The following VPS72 variants were observed in gnomAD, a reference collection of about 807,000 sequenced individuals.
VPS72 encodes vacuolar protein sorting 72 homolog.
In VPS72, 27 loss-of-function variants were observed where a neutral mutation model predicts 38.9. The ratio of observed to expected loss-of-function variants is 0.69; its 90% CI spans 0.51 to 0.96. The LOEUF (loss-of-function observed/expected upper bound fraction) is 0.96, where lower values mean the gene tolerates loss of function less well. VPS72 is among the 40% of genes least tolerant of loss of function. The pLI, the probability that VPS72 is intolerant of heterozygous loss-of-function variation, is 0.00. For missense variants in VPS72, 360 were observed against 479.5 expected, an observed-to-expected ratio of 0.75 and a Z score of 2.33; for synonymous variants, 173 against 186.3, an observed-to-expected ratio of 0.93 and a Z score of 0.58.
chr1:151,189,159 AT>A (rs1179307440), intron 1 of VPS72, among the ~76,000 whole-genome samples: 49 of 152,326 alleles, frequency 3.2e-4, no homozygotes, highest in African/African-American at 1.1e-3. Flanking sequence ...ATCACACAGT[AT>A]TTTAACTGTT....
chr1:151,177,166 G>A, intron 5 of VPS72, 135 bp from the exon 6 acceptor site: 2 of 938,754 alleles, frequency 2.1e-6, no homozygotes, highest in Non-Finnish European at 3.1e-6. Context: ...GCAGGCAGAT[G>A]ACGAGGTCAG....
At chr1:151,184,997 GGTT>G (rs1421251820) in intron 3 of VPS72, among the ~76,000 whole-genome samples, 1 of 151,918 alleles carries the variant, frequency 6.6e-6, no homozygotes, top group Admixed American at 6.6e-5. Flanking sequence ...TGTTATGTGT[GGTT>G]TTTTTCTGAA....
chr1:151,187,702 T>C (rs1684380539), intron 1 of VPS72, among the ~76,000 whole-genome samples: 1 of 152,190 alleles, frequency 6.6e-6, no homozygotes, highest in Non-Finnish European at 1.5e-5. Context: ...CTGAAAAAGT[T>C]TGTGTCTCTT....
At position 151,176,970 on chromosome 1, in the gene VPS72, G is replaced by T. The variant is rs773025973; in HGVS notation, c.769C>A (p.Pro257Thr). The T allele has an allele frequency of 3.7e-6, 6 of 1,606,438 alleles. No homozygotes were observed. Among genetic ancestry groups the T allele is most frequent in the East Asian group, 2.2e-5 (1 of 44,776 alleles). The change falls in exon 6 of 6, where the codon CCC (proline) becomes ACC (threonine). Residue 257 changes from proline to threonine, a missense_variant. By Grantham distance (38) the Pro-to-Thr change is conservative. Coordinates refer to ENST00000368892, the MANE Select transcript of VPS72 (RefSeq NM_005997.3). ...TPHAGTGPVN[P>T]PARCSRTFIT... The stretch of plus-strand genomic sequence containing the variant: ...AAGGTACGTGAGCAGCGAGCAGGGG[G>T]GTTGACGGGTCCAGTCCCAGCATGA...
chr1:151,184,590 C>CT (rs760266564), intron 3 of VPS72, 97 bp from the exon 4 acceptor site: 136,536 of 964,334 alleles, frequency 0.14, 96 homozygotes, highest in Non-Finnish European at 0.15. Flanking sequence ...ATTTTTTTTT[C>CT]TTTTTTTTTT....
chr1:151,178,281 C>G (rs1042278519), intron 4 of VPS72, 136 bp from the exon 5 acceptor site: 1 of 1,212,962 alleles, frequency 8.2e-7, no homozygotes, highest in Non-Finnish European at 1.1e-6. Context: ...CTATGGAAGT[C>G]CCCTAAGGCC....
Position 151,176,542 on chromosome 1 carries a change from G to A in VPS72, c.*102C>T. The A allele has an allele frequency of 6.7e-7, 1 of 1,493,128 alleles. No individual in the cohort carries two copies. The highest frequency in any genetic ancestry group is 9.0e-7 in the Non-Finnish European group (1 of 1,117,220). 92.5% of individuals were successfully genotyped at this position (1,493,128 alleles called of 1,614,324 possible). On this transcript the variant is annotated 3_prime_UTR_variant, in exon 6 of 6. Coordinates refer to ENST00000368892, the MANE Select transcript of VPS72 (RefSeq NM_005997.3). ...GGAAAAGGAAAAAGAAACAGATTAG[G>A]CAAAGATCAGAGATGACAAAGGGGA...
chr1:151,182,097 G>A (rs781625178), intron 4 of VPS72, among the ~76,000 whole-genome samples: 32 of 151,798 alleles, frequency 2.1e-4, no homozygotes, highest in Admixed American at 7.2e-4. Context: ...GCACGATCTC[G>A]GCTCACCGCA....
Position 151,186,920 on chromosome 1 carries a change from C to A in VPS72, c.118-970G>T, listed in dbSNP as rs111640172. On this transcript the variant is annotated intron_variant, in intron 1 of 5. Coordinates refer to ENST00000368892, the MANE Select transcript of VPS72 (RefSeq NM_005997.3). Reference sequence around the variant, plus strand: ...CCTGCAGGCCAGTGATTCTCAATCCCCTCCATCTCCTTATTTTCCCTACCA... The same window carrying A: ...CCTGCAGGCCAGTGATTCTCAATCCACTCCATCTCCTTATTTTCCCTACCA... Among the ~76,000 whole-genome samples the A allele has an allele frequency of 8.6e-3, 1,306 of 152,284 alleles. 18 individuals carry two copies. The highest frequency in any genetic ancestry group is 0.03 in the African/African-American group (1,242 of 41,540).
At chr1:151,180,008 A>G (rs1005012853) in intron 4 of VPS72, among the ~76,000 whole-genome samples, 6 of 151,754 alleles carry the variant, frequency 4.0e-5, no homozygotes, top group Non-Finnish European at 4.4e-5. Flanking sequence ...ACAATTCCCT[A>G]AAGTCTGACC....
chr1:151,189,878 A>G (rs1684427345), intron 1 of VPS72, 127 bp downstream of exon 1: 1 of 1,076,718 alleles, frequency 9.3e-7, no homozygotes, highest in Non-Finnish European at 1.4e-6. Context: ...CGATTCACCC[A>G]CCCAACTCGA....
rs775605406 is a variant in VPS72 at position 151,177,012 on chromosome 1, C to G, written c.727G>C (p.Val243Leu). ...CCAGCATGAGGAGTCAATGCAGACA[C>G]CGAGGGAGCAGGATCAAGTCTGAGG... The part of the protein sequence containing the change: ...DIEGLDPAPS[V>L]SALTPHAGTG... Residue 243 changes from valine to leucine, a missense_variant, in exon 6 of 6, where the codon GTG becomes CTG. Val to Leu is a conservative substitution (Grantham distance 32, BLOSUM62 1). Coordinates refer to ENST00000368892, the MANE Select transcript of VPS72 (RefSeq NM_005997.3). 25 of 1,573,088 alleles carry G rather than the reference C, an allele frequency of 1.6e-5. No homozygotes were observed. The highest frequency in any genetic ancestry group is 1.1e-4 in the Admixed American group (6 of 56,078).
At chr1:151,185,013 A>G (rs1684319582) in intron 3 of VPS72, among the ~76,000 whole-genome samples, 1 of 152,140 alleles carries the variant, frequency 6.6e-6, no homozygotes, top group Admixed American at 6.6e-5. Flanking sequence ...TTTCTGAATG[A>G]TCTAAATTAG....
rs898167672 is a variant in VPS72 at position 151,184,508 on chromosome 1, G to A, written c.386-15C>T. ...AGACTTCCGACCTGGAAGAGAGTGAGATAAGAAGAAATCTTTGAATTCATG... is the reference window on the plus strand; with the variant it reads ...AGACTTCCGACCTGGAAGAGAGTGAAATAAGAAGAAATCTTTGAATTCATG... On this transcript the variant is annotated splice_polypyrimidine_tract_variant and intron_variant, in intron 3 of 5. Coordinates refer to ENST00000368892, the MANE Select transcript of VPS72 (RefSeq NM_005997.3). 1 of 1,580,818 alleles carries A rather than the reference G, an allele frequency of 6.3e-7. No homozygotes were observed. Among genetic ancestry groups the A allele is most frequent in the African/African-American group, 1.3e-5 (1 of 74,224 alleles).
chr1:151,178,035 G>C lies in VPS72; in HGVS notation c.673C>G (p.Pro225Ala). The part of the protein sequence containing the change: ...HSVTVPLVGE[P>A]GPKEENVDIE... Reference sequence around the variant, plus strand: ...TCAACGTTCTCTTCCTTGGGGCCTGGCTCCCCAACAAGTGGCACTGTCACT... The same window carrying C: ...TCAACGTTCTCTTCCTTGGGGCCTGCCTCCCCAACAAGTGGCACTGTCACT... Residue 225 changes from proline to alanine, a missense_variant, in exon 5 of 6, where the codon CCA (proline) becomes GCA (alanine). By Grantham distance (27) the Pro-to-Ala change is conservative (BLOSUM62 -1). Coordinates refer to ENST00000368892, the MANE Select transcript of VPS72 (RefSeq NM_005997.3). 6.2e-7 allele frequency: 1 copy of C among 1,613,972 alleles called. No homozygotes were observed. Among genetic ancestry groups the C allele is most frequent in the Non-Finnish European group, 8.5e-7 (1 of 1,179,984 alleles).
chr1:151,190,131 C>T lies in VPS72; in HGVS notation c.-10G>A. The T allele has an allele frequency of 6.2e-7, 1 of 1,612,238 alleles. No individual in the cohort carries two copies. Among genetic ancestry groups the T allele is most frequent in the Non-Finnish European group, 8.5e-7 (1 of 1,179,970 alleles). Reference sequence around the variant, plus strand: ...CCCCAGCCAAACTCATACCGCCTACCGAGACTGCGCCGCCACCTGCAGCCC... The same window carrying T: ...CCCCAGCCAAACTCATACCGCCTACTGAGACTGCGCCGCCACCTGCAGCCC... On this transcript the variant is annotated 5_prime_UTR_variant, in exon 1 of 6. Transcript: ENST00000368892.
chr1:151,183,147 C>T (rs587608739), intron 4 of VPS72, among the ~76,000 whole-genome samples: 128 of 152,130 alleles, frequency 8.4e-4, no homozygotes, highest in African/African-American at 2.8e-3. Flanking sequence ...GGAATTGCCG[C>T]GGGGTGGCCC....
chr1:151,176,573 A>G lies in VPS72; in HGVS notation c.*71T>C, dbSNP rs1684102986. On this transcript the variant is annotated 3_prime_UTR_variant, in exon 6 of 6. Coordinates refer to ENST00000368892, the MANE Select transcript of VPS72 (RefSeq NM_005997.3). ...ATCAGAGATGACAAAGGGGAGAAGC[A>G]GGGAGAAGAAACGGAACAGCAAGAG... The G allele has an allele frequency of 2.6e-6, 4 of 1,553,574 alleles. No individual in the cohort carries two copies. The highest frequency in any genetic ancestry group is 3.5e-6 in the Non-Finnish European group (4 of 1,151,126).
chr1:151,181,469 T>G (rs111342247), intron 4 of VPS72, among the ~76,000 whole-genome samples: 1 of 152,170 alleles, frequency 6.6e-6, no homozygotes, highest in Non-Finnish European at 1.5e-5. Context: ...GGTCTCGAAC[T>G]CCTTACCTTG....
Sources: allele counts gnomAD v4.1 joint callset (sites outside exome capture counted in the v4.1 genomes callset), GRCh38; gene constraint gnomAD v4.1.1; transcripts MANE v1.5; gene names NCBI Gene and HGNC (gene_info 2026-07-23, HGNC 2026-07-21).